TRPM3: variants seen among roughly 807,000 people sequenced by gnomAD.
TRPM3 encodes long transient receptor potential channel 3.
Under a neutral mutation model 181.2 loss-of-function variants are expected in TRPM3, and 77 were observed. The ratio of observed to expected loss-of-function variants is 0.42; its 90% CI spans 0.35 to 0.51. The LOEUF (loss-of-function observed/expected upper bound fraction) is 0.51. Ranked by LOEUF, TRPM3 falls within the 20% of genes least tolerant of loss-of-function variation. The pLI, the probability that TRPM3 is intolerant of heterozygous loss-of-function variation, is 0.01. For synonymous variants in TRPM3, 745 were observed against 796.4 expected, an observed-to-expected ratio of 0.94 and a Z score of 1.09; for missense variants, 1,759 against 2,196.7, an observed-to-expected ratio of 0.80 and a Z score of 3.98.
At chr9:70,895,967 C>T in intron 1 of TRPM3, among the ~76,000 whole-genome samples, 1 of 152,040 alleles carries the variant, frequency 6.6e-6, no homozygotes, top group Non-Finnish European at 1.5e-5. Context: ...AAAATGTACC[C>T]TCTTATAAAA....
intron 1 of TRPM3, among the ~76,000 whole-genome samples, chr9:70,986,468 T>A (rs2134077048): frequency 6.6e-6 from 1 of 152,332 alleles, no homozygotes; most frequent in East Asian, 1.9e-4. Flanking sequence ...AAGAACAAGT[T>A]TATAATAATT....
At chr9:71,102,712 A>G (rs1360489553) in intron 1 of TRPM3, among the ~76,000 whole-genome samples, 4 of 152,184 alleles carry the variant, frequency 2.6e-5, no homozygotes, top group South Asian at 2.1e-4. Context: ...TGTTTCACAC[A>G]CTGCTTTCTT....
At chr9:70,852,310 G>A (rs940548672) in intron 3 of TRPM3, among the ~76,000 whole-genome samples, 2 of 151,874 alleles carry the variant, frequency 1.3e-5, no homozygotes, top group African/African-American at 4.8e-5. Context: ...TTTCACCCAC[G>A]TTTTACCGAT....
chr9:71,408,261 T>C (rs1232719292), intron 1 of TRPM3, among the ~76,000 whole-genome samples: 2 of 152,142 alleles, frequency 1.3e-5, no homozygotes, highest in African/African-American at 2.4e-5. Context: ...CTTTGACAAG[T>C]TGACAGAAGG....
intron 1 of TRPM3, among the ~76,000 whole-genome samples, chr9:71,340,838 T>C (rs575306964): frequency 5.5e-4 from 83 of 152,226 alleles, no homozygotes; most frequent in Non-Finnish European, 8.2e-4. Flanking sequence ...CAGGGCTCCT[T>C]GTAGAAGTGG....
intron 9 of TRPM3, among the ~76,000 whole-genome samples, chr9:70,657,699 T>C (rs1324503501): frequency 2.0e-5 from 3 of 152,186 alleles, no homozygotes; most frequent in Admixed American, 1.3e-4. Flanking sequence ...TGCTTTGACA[T>C]TGAGTTACAG....
chr9:71,394,995 C>T (rs2093156311), intron 1 of TRPM3, among the ~76,000 whole-genome samples: 1 of 152,136 alleles, frequency 6.6e-6, no homozygotes, highest in African/African-American at 2.4e-5. Context: ...TTTGATTGCC[C>T]CTGCAACTGG....
chr9:71,423,709 C>T (rs958760313), intron 1 of TRPM3, among the ~76,000 whole-genome samples: 1 of 152,044 alleles, frequency 6.6e-6, no homozygotes, highest in African/African-American at 2.4e-5. Context: ...TAGGTATACA[C>T]ACACACACAT....
intron 1 of TRPM3, among the ~76,000 whole-genome samples, chr9:71,168,555 TATTTATTTA>T: frequency 9.3e-6 from 1 of 106,988 alleles, no homozygotes; most frequent in Non-Finnish European, 1.9e-5. Context: ...TTTATTTATT[TATTTATTTA>T]TTTATTTATT....
At chr9:70,810,642 CA>C (rs2091857268) in intron 6 of TRPM3, among the ~76,000 whole-genome samples, 1 of 152,072 alleles carries the variant, frequency 6.6e-6, no homozygotes, top group African/African-American at 2.4e-5. Context: ...TAATGACCCT[CA>C]AACTCTCCAA....
Position 70,863,035 on chromosome 9 carries a change from T to C in TRPM3, c.335A>G (p.Glu112Gly). The C allele has an allele frequency of 6.2e-7, 1 of 1,613,652 alleles. No individual in the cohort carries two copies. The highest frequency in any genetic ancestry group is 1.1e-5 in the South Asian group (1 of 91,068). ...SISVLQNEKN[E>G]SRLSRNDIQS... ...GATGTCATTTCGGGAGAGGCGACTTTCATTTTTCTCATTCTGAAGCACGGA... is the reference window on the plus strand; with the variant it reads ...GATGTCATTTCGGGAGAGGCGACTTCCATTTTTCTCATTCTGAAGCACGGA... Residue 112 changes from glutamate (E) to glycine (G), a missense_variant, in exon 3 of 26, where the codon GAA becomes GGA. By Grantham distance (98) the Glu-to-Gly change is moderately conservative. Around this residue, in one of 8 missense-constraint regions of TRPM3, gnomAD observed 737 missense variants for 957.4 expected, o/e 0.77. Coordinates refer to ENST00000677713, the MANE Select transcript of TRPM3 (RefSeq NM_001366145.2).
chr9:70,636,100 T>A (rs2057136527), intron 11 of TRPM3, among the ~76,000 whole-genome samples: 1 of 152,232 alleles, frequency 6.6e-6, no homozygotes, highest in African/African-American at 2.4e-5. Context: ...GGTCACACGG[T>A]CTTTACTGAA....
At chr9:70,618,775 G>T in intron 17 of TRPM3, 92 bp downstream of exon 17, 1 of 1,042,906 alleles carries the variant, frequency 9.6e-7, no homozygotes, top group Non-Finnish European at 1.4e-6. Flanking sequence ...TGAGATAAGA[G>T]GATGCCCAAT....
intron 1 of TRPM3, among the ~76,000 whole-genome samples, chr9:71,352,668 T>C (rs1352542998): frequency 2.0e-5 from 3 of 152,182 alleles, no homozygotes; most frequent in Non-Finnish European, 4.4e-5. Context: ...TCCTAAACTA[T>C]GTATTTTTTT....
intron 1 of TRPM3, among the ~76,000 whole-genome samples, chr9:70,991,422 A>G (rs2097483192): frequency 6.6e-6 from 1 of 152,174 alleles, no homozygotes; most frequent in Non-Finnish European, 1.5e-5. Flanking sequence ...AAATTACGAT[A>G]GTTATTAGAC....
chr9:70,563,910 C>T (rs888764299), intron 22 of TRPM3, among the ~76,000 whole-genome samples: 2 of 152,158 alleles, frequency 1.3e-5, no homozygotes, highest in Admixed American at 1.3e-4. Context: ...TCTTTGAATG[C>T]CTCTGTGGTT....
At chr9:71,196,418 G>A (rs1554843691) in intron 1 of TRPM3, among the ~76,000 whole-genome samples, 1 of 151,554 alleles carries the variant, frequency 6.6e-6, no homozygotes, top group African/African-American at 2.4e-5. Context: ...TTTTTAAATT[G>A]TATTTATCTA....
rs1428820535 is a variant in TRPM3 at position 70,531,637 on chromosome 9, T to C, written c.*4316A>G. ...CACTTTATCTAGAAACAACATAGTG[T>C]TACTAAATGAACATATTTATAAAAT... is the stretch of plus-strand genomic sequence containing the variant. On this transcript the variant is annotated 3_prime_UTR_variant, in exon 26 of 26. Coordinates refer to ENST00000677713, the MANE Select transcript of TRPM3 (RefSeq NM_001366145.2). 1 of 152,202 alleles carries C rather than the reference T, an allele frequency of 6.6e-6. No individual in the cohort carries two copies. The highest frequency in any genetic ancestry group is 1.5e-5 in the Non-Finnish European group (1 of 68,032). 9.4% of individuals were successfully genotyped at this position (152,202 alleles called of 1,614,324 possible).
chr9:70,635,067 A>C (rs574897171), intron 12 of TRPM3, 144 bp downstream of exon 12: 3 of 631,838 alleles, frequency 4.7e-6, no homozygotes, highest in Admixed American at 5.7e-5. Context: ...ACATACACAC[A>C]CACACACACA....
Sources: allele counts gnomAD v4.1 joint callset (sites outside exome capture counted in the v4.1 genomes callset), GRCh38; gene constraint gnomAD v4.1.1; regional missense constraint gnomAD v4.1.1; transcripts MANE v1.5; gene names NCBI Gene and HGNC (gene_info 2026-07-23, HGNC 2026-07-21).